The following TMEM132C variants were observed in gnomAD, a reference collection of about 807,000 sequenced individuals.
TMEM132C encodes protein phosphatase 1, regulatory subunit 152.
TMEM132C carries 29 observed loss-of-function variants against 61.4 expected under a neutral mutation model. That is an observed-to-expected ratio of 0.47 (90% CI 0.35 to 0.64). The LOEUF is 0.64. Among genes scored for constraint, TMEM132C ranks in the 30% least tolerant of loss-of-function variants. The pLI is 0.00. For synonymous variants in TMEM132C, 656 were observed against 633.1 expected (o/e 1.04, Z -0.54); for missense variants, 1,408 against 1,476.9 (o/e 0.95, Z 0.76).
At chr12:128,475,398 G>T (rs1193899814) in intron 2 of TMEM132C, among the ~76,000 whole-genome samples, 2 of 152,140 alleles carry the variant, frequency 1.3e-5, no homozygotes, top group African/African-American at 2.4e-5. Context: ...TGCAGGTTTT[G>T]GTAGGGGAAG....
rs1306042246 is a variant in TMEM132C, at chr12:128,267,458, G to A, written c.56G>A (p.Ser19Asn). 92 of 1,270,216 alleles carry A rather than the reference G, an allele frequency of 7.2e-5. No homozygotes were observed. Among genetic ancestry groups the A allele is most frequent in the Non-Finnish European group, 9.0e-5 (91 of 1,010,020 alleles). 78.7% of individuals were successfully genotyped at this position (1,270,216 alleles called of 1,614,324 possible). A position where few individuals can be genotyped will look rare whatever the true frequency, so the allele number is the denominator to read the frequency against. Residue 19 changes from serine (S) to asparagine (N), a missense_variant, in exon 1 of 9, where the codon AGC becomes AAC. Transcript: ENST00000435159. ...GPAAPLCGAL[S>N]LLLGALLGKV... ...GCGGCGCCGCTGTGCGGGGCGCTGA[G>A]CCTGCTGCTGGGCGCGCTGCTGGGC...
chr12:128,555,704 T>C (rs1289028312), intron 3 of TMEM132C, among the ~76,000 whole-genome samples: 1 of 150,856 alleles, frequency 6.6e-6, no homozygotes, highest in African/African-American at 2.5e-5. Flanking sequence ...GTTATTGTTG[T>C]TGCCTAACTT....
chr12:128,597,567 T>C (rs1049761802), intron 3 of TMEM132C, among the ~76,000 whole-genome samples: 3 of 152,142 alleles, frequency 2.0e-5, no homozygotes, highest in African/African-American at 7.2e-5. Context: ...CAAAGGAACA[T>C]AGATTCATTA....
At chr12:128,340,896 TTCTCTCTTTCTC>T (rs1198503844) in intron 1 of TMEM132C, among the ~76,000 whole-genome samples, 18 of 133,052 alleles carry the variant, frequency 1.4e-4, no homozygotes, top group South Asian at 4.8e-4. Context: ...TTTTCTTTCT[TTCTCTCTTTCTC>T]TCTCTCTTTC....
At chr12:128,582,273 A>C (rs1457431184) in intron 3 of TMEM132C, among the ~76,000 whole-genome samples, 1 of 152,238 alleles carries the variant, frequency 6.6e-6, no homozygotes, top group Non-Finnish European at 1.5e-5. Flanking sequence ...GAATTAAGGA[A>C]ATGCACATGA....
chr12:128,381,766 G>A (rs964820029), intron 1 of TMEM132C, among the ~76,000 whole-genome samples: 3 of 152,190 alleles, frequency 2.0e-5, no homozygotes, highest in Admixed American at 6.5e-5. Context: ...CTGGCGGCTT[G>A]AAAGAGTGCC....
chr12:128,627,386 T>G (rs1392079751), intron 4 of TMEM132C, among the ~76,000 whole-genome samples: 1 of 152,224 alleles, frequency 6.6e-6, no homozygotes, highest in Non-Finnish European at 1.5e-5. Flanking sequence ...CTGATCATTA[T>G]CTGACATTAT....
intron 5 of TMEM132C, among the ~76,000 whole-genome samples, chr12:128,670,785 A>G (rs1246860954): frequency 6.6e-6 from 1 of 152,168 alleles, no homozygotes; most frequent in Non-Finnish European, 1.5e-5. Flanking sequence ...TGCCTATTCT[A>G]GAAGAGCAGC....
rs150041640 is a variant in TMEM132C, at chr12:128,315,905, G to A, written c.85+48418G>A. 4.5e-3 allele frequency among the ~76,000 whole-genome samples: 679 copies of A among 151,918 alleles called. 4 individuals carry two copies. Among genetic ancestry groups the A allele is most frequent in the African/African-American group, 0.016 (645 of 41,446 alleles). On this transcript the variant is annotated intron_variant, in intron 1 of 8. Coordinates refer to ENST00000435159, the MANE Select transcript of TMEM132C (RefSeq NM_001136103.3). Reference sequence around the variant, plus strand: ...CGGAGCCATCCGAAGCCAGGAGAACGGCATGGAACAGATTATCTCGAGGGC... The same window carrying A: ...CGGAGCCATCCGAAGCCAGGAGAACAGCATGGAACAGATTATCTCGAGGGC...
intron 3 of TMEM132C, among the ~76,000 whole-genome samples, chr12:128,588,239 G>A (rs140471351): frequency 1.2e-3 from 188 of 152,280 alleles, no homozygotes; most frequent in African/African-American, 4.3e-3. Flanking sequence ...TTCGAGATAA[G>A]CCTGGGCAAT....
chr12:128,329,391 G>A lies in TMEM132C; in HGVS notation c.85+61904G>A, dbSNP rs139627971. Reference sequence around the variant, plus strand: ...GCTGAAGATTAATCCTTTGAGGACCGAGGACTGCAAAGCCTTCTGGCCATT... The same window carrying A: ...GCTGAAGATTAATCCTTTGAGGACCAAGGACTGCAAAGCCTTCTGGCCATT... On this transcript the variant is annotated intron_variant, in intron 1 of 8. Transcript: ENST00000435159. Among the ~76,000 whole-genome samples the A allele has an allele frequency of 1.3e-4, 20 of 152,276 alleles. No individual in the cohort carries two copies. The Middle Eastern group carries it at 0.01, about 78-fold the overall frequency.
In TMEM132C at chr12:128,280,404, A is replaced by G. The variant is rs563710737; in HGVS notation, c.85+12917A>G. Among the ~76,000 whole-genome samples, 12 of 152,322 alleles carry G rather than the reference A, an allele frequency of 7.9e-5. No individual in the cohort carries two copies. In the South Asian group the frequency reaches 2.5e-3, roughly 32 times the overall value. On this transcript the variant is annotated intron_variant, in intron 1 of 8. Transcript: ENST00000435159. ...GATATAGGAGGGGCTCCTTCCTTGT[A>G]GACAAGAGATTCTCAAAACTGACTA...
intron 4 of TMEM132C, among the ~76,000 whole-genome samples, chr12:128,663,766 G>A (rs1954419008): frequency 6.6e-6 from 1 of 151,880 alleles, no homozygotes; most frequent in African/African-American, 2.4e-5. Context: ...CTGTAGGCCT[G>A]CCACATCAAT....
chr12:128,653,517 G>A (rs1325282287), intron 4 of TMEM132C, among the ~76,000 whole-genome samples: 1 of 152,176 alleles, frequency 6.6e-6, no homozygotes, highest in East Asian at 1.9e-4. Context: ...ATATTGTAGT[G>A]GGTCAGAGCA....
chr12:128,607,927 C>T (rs1330471537), intron 3 of TMEM132C, among the ~76,000 whole-genome samples: 1 of 152,100 alleles, frequency 6.6e-6, no homozygotes, highest in East Asian at 1.9e-4. Context: ...AGCTTGTGGT[C>T]ACGCTCTCCC....
chr12:128,282,655 T>C (rs557205856), intron 1 of TMEM132C, among the ~76,000 whole-genome samples: 2 of 152,218 alleles, frequency 1.3e-5, no homozygotes, highest in Non-Finnish European at 1.5e-5. Flanking sequence ...TATCAACTAT[T>C]GTCCCAATAA....
chr12:128,691,239 A>C (rs1954717238), intron 5 of TMEM132C, among the ~76,000 whole-genome samples: 1 of 152,242 alleles, frequency 6.6e-6, no homozygotes, highest in Admixed American at 6.5e-5. Flanking sequence ...TGACCCAAGA[A>C]AGGTTAGGAA....
At chr12:128,519,951 A>G (rs1164261793) in intron 2 of TMEM132C, among the ~76,000 whole-genome samples, 1 of 152,068 alleles carries the variant, frequency 6.6e-6, no homozygotes, top group Non-Finnish European at 1.5e-5. Context: ...ACCACCTAAA[A>G]CACATGTTAT....
intron 3 of TMEM132C, among the ~76,000 whole-genome samples, chr12:128,556,693 C>T (rs984161674): frequency 2.0e-5 from 3 of 152,098 alleles, no homozygotes; most frequent in Non-Finnish European, 2.9e-5. Context: ...CATAAAAGCG[C>T]CCTGCACCAA....
Sources: allele counts gnomAD v4.1 joint callset (sites outside exome capture counted in the v4.1 genomes callset), GRCh38; gene constraint gnomAD v4.1.1; transcripts MANE v1.5; gene names NCBI Gene and HGNC (gene_info 2026-07-23, HGNC 2026-07-21).